Variants in NLK observed in about 807,000 individuals in gnomAD.
NLK encodes the protein serine/threonine-protein kinase NLK.
A neutral mutation model predicts 59.0 loss-of-function variants in NLK; 11 were observed. The observed-to-expected ratio is 0.19, with a 90% CI of 0.12 to 0.31. The LOEUF is 0.31. Ranked by LOEUF, NLK falls within the 10% of genes least tolerant of loss-of-function variation. The pLI is 1.00. For missense variants in NLK, 410 were observed against 661.1 expected (o/e 0.62, Z 4.16); for synonymous variants, 235 against 235.9 (o/e 1.00, Z 0.03).
At chr17:28,101,167 CAT>C (rs1227100798) in intron 1 of NLK, among the ~76,000 whole-genome samples, 1 of 152,208 alleles carries the variant, frequency 6.6e-6, no homozygotes, top group African/African-American at 2.4e-5. Flanking sequence ...AGTACCACCA[CAT>C]ATTGATTTCT....
downstream of NLK, among the ~76,000 whole-genome samples, chr17:28,199,299 TC>T (rs1909560292): frequency 6.6e-6 from 1 of 152,126 alleles, no homozygotes; most frequent in South Asian, 2.1e-4. Flanking sequence ...GTATGCCAGT[TC>T]CTCAAAAAAA....
At chr17:28,107,855 G>C (rs902337960) in intron 1 of NLK, among the ~76,000 whole-genome samples, 1 of 152,124 alleles carries the variant, frequency 6.6e-6, no homozygotes. Context: ...GCTCTCAAGG[G>C]TTTATAACTT....
chr17:28,196,835 G>A (rs925456014), downstream of NLK, among the ~76,000 whole-genome samples: 2 of 152,178 alleles, frequency 1.3e-5, no homozygotes, highest in Non-Finnish European at 1.5e-5. Flanking sequence ...CAGTGGTGGT[G>A]TAATCAAGGC....
At chr17:28,067,787 C>T (rs1170089945) in intron 1 of NLK, among the ~76,000 whole-genome samples, 1 of 151,150 alleles carries the variant, frequency 6.6e-6, no homozygotes, top group Admixed American at 6.6e-5. Context: ...TTATGGCGTT[C>T]AAAATTGTGT....
intron 10 of NLK, 109 bp downstream of exon 10, chr17:28,192,322 C>A: frequency 1.5e-6 from 1 of 649,388 alleles, no homozygotes. Context: ...ATAAAAGGTG[C>A]AACAGAAAGT....
chr17:28,179,880 T>TC, intron 7 of NLK, among the ~76,000 whole-genome samples: 1 of 147,916 alleles, frequency 6.8e-6, no homozygotes, highest in East Asian at 2.0e-4. Flanking sequence ...TGGTTTTTTT[T>TC]TTTTTTTTTT....
At chr17:28,059,282 T>C (rs2142744165) in intron 1 of NLK, among the ~76,000 whole-genome samples, 1 of 152,322 alleles carries the variant, frequency 6.6e-6, no homozygotes, top group South Asian at 2.1e-4. Context: ...GGTTTTGTTT[T>C]CTTATGTTTG....
At chr17:28,192,495 C>G (rs1397329489) in intron 10 of NLK, among the ~76,000 whole-genome samples, 2 of 152,038 alleles carry the variant, frequency 1.3e-5, no homozygotes, top group African/African-American at 2.4e-5. Context: ...ATGGAGAAAC[C>G]TTGTTTCTTC....
At chr17:28,056,756 GA>G (rs1392711642) in intron 1 of NLK, among the ~76,000 whole-genome samples, 1 of 151,948 alleles carries the variant, frequency 6.6e-6, no homozygotes, top group Non-Finnish European at 1.5e-5. Flanking sequence ...TAAACCTCAG[GA>G]AATTTGAAAG....
At chr17:28,119,664 G>A (rs908632589) in intron 1 of NLK, among the ~76,000 whole-genome samples, 6 of 152,160 alleles carry the variant, frequency 3.9e-5, no homozygotes, top group African/African-American at 1.4e-4. Flanking sequence ...AAAATCATGA[G>A]GGGATACTAA....
chr17:28,043,340 C>A lies in NLK; in HGVS notation c.458+9C>A. 6.6e-7 allele frequency: 1 copy of A among 1,526,478 alleles called. No homozygotes were observed. The highest frequency in any genetic ancestry group is 8.8e-7 in the Non-Finnish European group (1 of 1,137,354). The allele number at this position is 1,526,478 out of a possible 1,614,324, so 94.6% of individuals were successfully genotyped here. A position where few individuals can be genotyped will look rare whatever the true frequency, so the allele number is the denominator to read the frequency against. On this transcript the variant is annotated intron_variant, in intron 1 of 10. Transcript: ENST00000407008. ...GCCTTTGGTGTTGTCTGGTGAGTAT[C>A]CAAAGAAAAACACAACCTCTCATGG...
rs149548462 is a variant in NLK, at chr17:28,044,320, A to G, written c.458+989A>G. Among the ~76,000 whole-genome samples, 427 of 152,302 alleles carry G rather than the reference A, an allele frequency of 2.8e-3. 5 individuals are homozygous for G. The highest frequency in any genetic ancestry group is 9.6e-3 in the African/African-American group (397 of 41,564). On this transcript the variant is annotated intron_variant, in intron 1 of 10. Coordinates refer to ENST00000407008, the MANE Select transcript of NLK (RefSeq NM_016231.5). ...ATTCAAAAATTGTTACTCCCGAGAA[A>G]AGCGCCCATTACCACAGGAAAATGA...
chr17:28,051,585 T>TCAAG (rs1484307419), intron 1 of NLK, among the ~76,000 whole-genome samples: 5 of 151,888 alleles, frequency 3.3e-5, no homozygotes, highest in African/African-American at 1.2e-4. Flanking sequence ...TCTCGATCTC[T>TCAAG]TGACCTCGTG....
At chr17:28,158,163 G>A (rs1450289181) in intron 3 of NLK, among the ~76,000 whole-genome samples, 1 of 152,200 alleles carries the variant, frequency 6.6e-6, no homozygotes, top group Non-Finnish European at 1.5e-5. Flanking sequence ...CACCTAAGCT[G>A]TATGGTATAA....
intron 1 of NLK, among the ~76,000 whole-genome samples, chr17:28,070,233 C>A: frequency 6.6e-6 from 1 of 150,554 alleles, no homozygotes; most frequent in African/African-American, 2.4e-5. Flanking sequence ...AAGACTGTGT[C>A]TCAAAAAAAA....
intron 1 of NLK, among the ~76,000 whole-genome samples, chr17:28,060,473 T>C (rs1909593089): frequency 6.6e-6 from 1 of 152,298 alleles, no homozygotes; most frequent in South Asian, 2.1e-4. Flanking sequence ...GGTTTCACTA[T>C]GTTGCCCAGA....
At chr17:28,192,761 G>A (rs1297812945) in intron 10 of NLK, among the ~76,000 whole-genome samples, 1 of 152,100 alleles carries the variant, frequency 6.6e-6, no homozygotes, top group Non-Finnish European at 1.5e-5. Flanking sequence ...GATGACCATT[G>A]TGCTGCCTCA....
chr17:28,185,711 A>G (rs1422841350), intron 8 of NLK, among the ~76,000 whole-genome samples: 6 of 152,044 alleles, frequency 3.9e-5, no homozygotes, highest in Non-Finnish European at 7.4e-5. Context: ...GCTAATTTCT[A>G]AATATTTTGT....
chr17:28,128,982 A>T (rs894816946), intron 2 of NLK, among the ~76,000 whole-genome samples: 1 of 152,212 alleles, frequency 6.6e-6, no homozygotes, highest in Non-Finnish European at 1.5e-5. Flanking sequence ...ACCAAAAAGG[A>T]TAAACCACTG....
Sources: allele counts gnomAD v4.1 joint callset (sites outside exome capture counted in the v4.1 genomes callset), GRCh38; gene constraint gnomAD v4.1.1; transcripts MANE v1.5; gene names NCBI Gene and HGNC (gene_info 2026-07-23, HGNC 2026-07-21).